The following TNFRSF10D variants were observed in gnomAD, a reference collection of about 807,000 sequenced individuals.
TNFRSF10D encodes the protein TNF receptor superfamily member 10d, also known as tumor necrosis factor receptor superfamily member 10D.
A neutral mutation model predicts 42.1 loss-of-function variants in TNFRSF10D; 28 were observed. That is an observed-to-expected ratio of 0.66 (90% CI 0.49 to 0.91). The LOEUF (loss-of-function observed/expected upper bound fraction) is 0.91, where lower values mean the gene tolerates loss of function less well. Ranked by LOEUF, TNFRSF10D falls within the 40% of genes least tolerant of loss-of-function variation. The pLI is 0.00. For missense variants in TNFRSF10D, 503 were observed against 486.1 expected, an observed-to-expected ratio of 1.03 and a Z score of -0.33; for synonymous variants, 186 against 189.4, an observed-to-expected ratio of 0.98 and a Z score of 0.15.
chr8:23,149,664 C>T (rs972715794), intron 2 of TNFRSF10D, among the ~76,000 whole-genome samples: 2 of 151,974 alleles, frequency 1.3e-5, no homozygotes, highest in South Asian at 2.1e-4. Context: ...ATGGTGGCCC[C>T]GTCTCTGCTC....
intron 7 of TNFRSF10D, among the ~76,000 whole-genome samples, chr8:23,140,695 G>T (rs116682460): frequency 0.017 from 2,574 of 152,208 alleles, 84 homozygotes; most frequent in African/African-American, 0.058. Context: ...CTGTTCTTGT[G>T]ATAGTGAATA....
In TNFRSF10D at chr8:23,155,836, TC is replaced by T. The variant is rs1563361968; in HGVS notation, c.151-858del. 2.7e-5 allele frequency among the ~76,000 whole-genome samples: 4 copies of T among 149,884 alleles called. No homozygotes were observed. The East Asian group carries it at 7.8e-4, about 29-fold the overall frequency. On this transcript the variant is annotated intron_variant, in intron 1 of 8. Coordinates refer to ENST00000312584, the MANE Select transcript of TNFRSF10D (RefSeq NM_003840.5). ...AATATTCTCTCTCTCTCTCTCTCTC[TC>T]GCACACACACAGACACACACATAAA... is the stretch of plus-strand genomic sequence containing the variant.
chr8:23,148,411 TG>T, intron 3 of TNFRSF10D, 26 bp downstream of exon 3: 1 of 1,580,200 alleles, frequency 6.3e-7, no homozygotes, highest in Non-Finnish European at 8.7e-7. Flanking sequence ...ACTCCACCTC[TG>T]GGCAAGGGGT....
intron 1 of TNFRSF10D, among the ~76,000 whole-genome samples, chr8:23,160,715 C>T (rs1007669269): frequency 2.0e-5 from 3 of 152,218 alleles, no homozygotes; most frequent in South Asian, 2.1e-4. Flanking sequence ...AGCCTCGCTA[C>T]CCTGCCACTC....
At chr8:23,147,465 C>T (rs1800136643) in intron 3 of TNFRSF10D, among the ~76,000 whole-genome samples, 1 of 152,202 alleles carries the variant, frequency 6.6e-6, no homozygotes, top group Non-Finnish European at 1.5e-5. Context: ...AAGCACCTTT[C>T]AGGAGCACAG....
intron 1 of TNFRSF10D, among the ~76,000 whole-genome samples, chr8:23,163,089 C>CTCTTTTTT (rs766517435): frequency 3.5e-5 from 2 of 57,200 alleles, no homozygotes; most frequent in South Asian, 9.1e-4. Flanking sequence ...GCCTGGCTAA[C>CTCTTTTTT]TTTTTTTTTT....
intron 1 of TNFRSF10D, among the ~76,000 whole-genome samples, chr8:23,158,473 T>C (rs1800311976): frequency 1.3e-5 from 2 of 152,230 alleles, no homozygotes; most frequent in Admixed American, 6.5e-5. Context: ...CCATCTCATA[T>C]AGACAAGATA....
chr8:23,145,999 C>A, intron 4 of TNFRSF10D, 78 bp from the exon 5 acceptor site: 1 of 1,602,400 alleles, frequency 6.2e-7, no homozygotes, highest in Non-Finnish European at 8.5e-7. Flanking sequence ...GCCACCCTCC[C>A]TGCCCAAAGT....
intron 7 of TNFRSF10D, 150 bp from the exon 8 acceptor site, chr8:23,138,410 T>C: frequency 1.3e-6 from 1 of 747,352 alleles, no homozygotes; most frequent in African/African-American, 1.7e-5. Flanking sequence ...TCCATAGCTC[T>C]TGGGCTCTGT....
intron 1 of TNFRSF10D, among the ~76,000 whole-genome samples, chr8:23,161,673 G>A (rs1287593459): frequency 6.6e-6 from 1 of 152,136 alleles, no homozygotes; most frequent in Non-Finnish European, 1.5e-5. Context: ...TACCATTAAG[G>A]AATGAAAGTA....
intron 7 of TNFRSF10D, 33 bp downstream of exon 7, chr8:23,144,417 C>T (rs373922285): frequency 3.2e-4 from 512 of 1,602,308 alleles, no homozygotes; most frequent in Non-Finnish European, 4.0e-4. Context: ...GCAGGCTGCA[C>T]GCCAGGCAGG....
intron 1 of TNFRSF10D, among the ~76,000 whole-genome samples, chr8:23,156,688 T>C (rs1448463103): frequency 3.9e-3 from 593 of 151,136 alleles, no homozygotes; most frequent in African/African-American, 0.012. Context: ...CCTCAGTCCC[T>C]AAGTGGCCGG....
intron 2 of TNFRSF10D, among the ~76,000 whole-genome samples, chr8:23,153,284 G>A (rs1800232261): frequency 6.6e-6 from 1 of 152,060 alleles, no homozygotes; most frequent in African/African-American, 2.4e-5. Flanking sequence ...AAAACATAGG[G>A]GAAAATCTTC....
chr8:23,140,633 T>C (rs566991393), intron 7 of TNFRSF10D, among the ~76,000 whole-genome samples: 4 of 152,166 alleles, frequency 2.6e-5, no homozygotes, highest in African/African-American at 9.6e-5. Context: ...TTCCACAGAA[T>C]TGGAAAAAAT....
intron 1 of TNFRSF10D, among the ~76,000 whole-genome samples, chr8:23,155,806 G>A (rs1362464394): frequency 7.3e-6 from 1 of 137,532 alleles, no homozygotes; most frequent in Non-Finnish European, 1.6e-5. Flanking sequence ...ATTGACCAGT[G>A]GGTGAATATT....
intron 1 of TNFRSF10D, among the ~76,000 whole-genome samples, chr8:23,157,974 T>C (rs527291833): frequency 1.1e-4 from 17 of 152,308 alleles, no homozygotes; most frequent in African/African-American, 4.1e-4. Flanking sequence ...CACCTGAAAC[T>C]GATCAGCAGC....
At chr8:23,143,337 T>C (rs1800060380) in intron 7 of TNFRSF10D, among the ~76,000 whole-genome samples, 1 of 148,596 alleles carries the variant, frequency 6.7e-6, no homozygotes, top group African/African-American at 2.5e-5. Flanking sequence ...TTTCAAAAAA[T>C]GTGCAGCGCG....
Position 23,155,005 on chromosome 8 carries a change from T to C in TNFRSF10D, c.151-26A>G, listed in dbSNP as rs375057157. On this transcript the variant is annotated intron_variant, in intron 1 of 8. Coordinates refer to ENST00000312584, the MANE Select transcript of TNFRSF10D (RefSeq NM_003840.5). ...CTGTGGGGACAAGGCAGAGATGGGC[T>C]TGAGTGGCTTCCAGACCTTACCTCT... The C allele has an allele frequency of 7.2e-5, 113 of 1,573,634 alleles. 1 individual carries two copies. In the African/African-American group the frequency reaches 1.5e-3, roughly 20 times the overall value.
chr8:23,159,376 G>A (rs1800329865), intron 1 of TNFRSF10D, among the ~76,000 whole-genome samples: 1 of 152,072 alleles, frequency 6.6e-6, no homozygotes, highest in Admixed American at 6.6e-5. Flanking sequence ...GGGAAACATA[G>A]GACGATCTCC....
Sources: allele counts gnomAD v4.1 joint callset (sites outside exome capture counted in the v4.1 genomes callset), GRCh38; gene constraint gnomAD v4.1.1; transcripts MANE v1.5; gene names NCBI Gene and HGNC (gene_info 2026-07-23, HGNC 2026-07-21).